The following MDN1 variants were observed in gnomAD, a reference collection of about 807,000 sequenced individuals.
The protein encoded by MDN1 is midasin AAA ATPase 1.
Under a neutral mutation model 669.2 loss-of-function variants are expected in MDN1, and 266 were observed. The ratio of observed to expected loss-of-function variants is 0.40; its 90% CI spans 0.36 to 0.44. MDN1 has a LOEUF of 0.44. Among genes scored for constraint, MDN1 ranks in the 20% least tolerant of loss-of-function variants. The probability of loss-of-function intolerance (pLI) is 1.00; values close to 1 mark genes in which losing one functional copy is unlikely to be tolerated. For missense variants in MDN1, 5,940 were observed against 6,754.0 expected (o/e 0.88, Z 4.22); for synonymous variants, 2,385 against 2,457.1 (o/e 0.97, Z 0.87).
intron 13 of MDN1, among the ~76,000 whole-genome samples, chr6:89,773,907 GTGGACCAAGATCGCACCACT>G (rs1818229357): frequency 6.6e-6 from 1 of 151,896 alleles, no homozygotes; most frequent in African/African-American, 2.4e-5. Context: ...GGAGGTTTCT[GTGGACCAAGATCGCACCACT>G]GTACTCCAGC....
chr6:89,788,052 C>G, intron 7 of MDN1, 95 bp from the exon 8 acceptor site: 1 of 1,084,384 alleles, frequency 9.2e-7, no homozygotes, highest in Non-Finnish European at 1.3e-6. Context: ...GACAGACACA[C>G]CCTTAAAGGA....
chr6:89,787,311 A>C (rs967130845), intron 8 of MDN1, among the ~76,000 whole-genome samples: 1 of 152,246 alleles, frequency 6.6e-6, no homozygotes, highest in Admixed American at 6.5e-5. Flanking sequence ...AAATGTAGGC[A>C]GGAATATATA....
In MDN1 at chr6:89,729,065, G is replaced by A. The variant is rs773875358; in HGVS notation, c.5215C>T (p.Leu1739Phe). The change falls in exon 36 of 102, where the codon CTC becomes TTC. Residue 1739 changes from leucine (L) to phenylalanine (F), a missense_variant. By Grantham distance (22) the Leu-to-Phe change is conservative. Coordinates refer to ENST00000369393, the MANE Select transcript of MDN1 (RefSeq NM_014611.3). ...AGTTAMNAQRLLRATKLKKPI... is the reference protein window; with the variant it reads ...AGTTAMNAQRFLRATKLKKPI... ...TTCTTCAGTTTGGTAGCTCTTAAGAGCCTCTGTGCATTCATAGCAGTGGTC... is the reference window on the plus strand; with the variant it reads ...TTCTTCAGTTTGGTAGCTCTTAAGAACCTCTGTGCATTCATAGCAGTGGTC... The A allele has an allele frequency of 1.2e-6, 2 of 1,613,972 alleles. No individual in the cohort carries two copies. Among genetic ancestry groups the A allele is most frequent in the South Asian group, 2.2e-5 (2 of 91,082 alleles).
intron 33 of MDN1, among the ~76,000 whole-genome samples, chr6:89,736,979 G>C (rs962756759): frequency 3.3e-5 from 5 of 152,178 alleles, no homozygotes; most frequent in African/African-American, 1.2e-4. Context: ...TGCCCCTGCT[G>C]AATAAGAAAC....
chr6:89,689,857 T>A lies in MDN1; in HGVS notation c.11023+13A>T, dbSNP rs1812260516. ...TCATTTCCCAGGGGCATAACAAAAG[T>A]AAACTACCATACCCATCAGGGGGTA... On this transcript the variant is annotated intron_variant, in intron 65 of 101. Transcript: ENST00000369393. 1 of 1,608,872 alleles carries A rather than the reference T, an allele frequency of 6.2e-7. No individual in the cohort carries two copies. The highest frequency in any genetic ancestry group is 2.2e-5 in the East Asian group (1 of 44,732).
intron 9 of MDN1, among the ~76,000 whole-genome samples, chr6:89,784,222 C>T (rs1252716963): frequency 6.6e-6 from 1 of 151,828 alleles, no homozygotes; most frequent in Non-Finnish European, 1.5e-5. Context: ...GAGGCTAAGG[C>T]ATGAGAATTG....
intron 1 of MDN1, among the ~76,000 whole-genome samples, chr6:89,815,645 T>C (rs1768776816): frequency 6.6e-6 from 1 of 152,188 alleles, no homozygotes; most frequent in Admixed American, 6.5e-5. Flanking sequence ...TTGTTCCTTC[T>C]ACTCCCCAAG....
At position 89,720,378 on chromosome 6, in the gene MDN1, C is replaced by T. The variant is rs1427802960; in HGVS notation, c.5968-1153G>A. ...TCACGCCACTGTACTCCAGCCTGGG[C>T]GACAGAGCAAGACTCCATCTCAAAA... On this transcript the variant is annotated intron_variant, in intron 40 of 101. Coordinates refer to ENST00000369393, the MANE Select transcript of MDN1 (RefSeq NM_014611.3). 4.1e-5 allele frequency among the ~76,000 whole-genome samples: 6 copies of T among 147,812 alleles called. No homozygotes were observed. In the South Asian group the frequency reaches 8.5e-4, roughly 21 times the overall value.
rs1464254295 is a variant in MDN1, at chr6:89,700,121, C to T, written c.8812G>A (p.Ala2938Thr). Residue 2938 changes from alanine (A) to threonine (T), a missense_variant, in exon 57 of 102, where the codon GCT becomes ACT. Around this residue, in one of 5 missense-constraint regions of MDN1, gnomAD observed 2,292 missense variants for 2,638.3 expected, o/e 0.87. Coordinates refer to ENST00000369393, the MANE Select transcript of MDN1 (RefSeq NM_014611.3). ...GTCACTTTGTACCGCCAAAGCATAG[C>T]CAGGTACTCCATTGCAGGCCACAAC... is the stretch of plus-strand genomic sequence containing the variant. ...VQLWPAMEYL[A>T]MLWRYKVTAD... 6.2e-7 allele frequency: 1 copy of T among 1,614,004 alleles called. No homozygotes were observed. The highest frequency in any genetic ancestry group is 1.3e-5 in the African/African-American group (1 of 74,894).
At chr6:89,774,526 C>T (rs1192144884) in intron 13 of MDN1, 95 bp downstream of exon 13, 1 of 863,126 alleles carries the variant, frequency 1.2e-6, no homozygotes, top group Non-Finnish European at 2.0e-6. Flanking sequence ...ACAGTTCAGA[C>T]ATGTGTTTTG....
Position 89,730,917 on chromosome 6 carries a change from G to T in MDN1, c.4949C>A (p.Thr1650Asn), listed in dbSNP as rs781693922. ...VYIDGIGSGV[T>N]SSGFGTALLA... Reference sequence around the variant, plus strand: ...AAGGGCTGTACCAAACCCAGAGGAAGTTACCCCTAAAAGACAGAGGATCAG... The same window carrying T: ...AAGGGCTGTACCAAACCCAGAGGAATTTACCCCTAAAAGACAGAGGATCAG... Residue 1650 changes from threonine (T) to asparagine (N), a missense_variant, in exon 35 of 102, where the codon ACT (threonine) becomes AAT (asparagine). Physicochemically the swap from Thr to Asn is moderately conservative, Grantham distance 65. Around this residue, in one of 5 missense-constraint regions of MDN1, gnomAD observed 2,292 missense variants for 2,638.3 expected, o/e 0.87. Transcript: ENST00000369393. 2.6e-5 allele frequency: 42 copies of T among 1,613,666 alleles called. No homozygotes were observed. Among genetic ancestry groups the T allele is most frequent in the Non-Finnish European group, 3.3e-5 (39 of 1,179,852 alleles).
At position 89,644,154 on chromosome 6, in the gene MDN1, G is replaced by T. The variant is rs768471661; in HGVS notation, c.16642C>A (p.Pro5548Thr). 5.0e-6 allele frequency: 8 copies of T among 1,613,466 alleles called. No homozygotes were observed. In the Admixed American group the frequency reaches 1.3e-4, roughly 27 times the overall value. ...GATCGGATTTCAGGCATCTCTCCAGGTCCTTTAAATATCGGTACTTTAATG... is the reference window on the plus strand; with the variant it reads ...GATCGGATTTCAGGCATCTCTCCAGTTCCTTTAAATATCGGTACTTTAATG... The part of the protein sequence containing the change: ...LDIKVPIFKG[P>T]GEMPEIRSYM... Residue 5548 changes from proline (P) to threonine (T), a missense_variant, in exon 102 of 102, where the codon CCT becomes ACT. Physicochemically the swap from Pro to Thr is conservative, Grantham distance 38. This residue lies in a region of MDN1 where 2,280 missense variants were observed against 2,576.3 expected (regional missense o/e 0.88). Coordinates refer to ENST00000369393, the MANE Select transcript of MDN1 (RefSeq NM_014611.3).
At chr6:89,764,432 CTG>C (rs1817701794) in intron 15 of MDN1, among the ~76,000 whole-genome samples, 1 of 152,184 alleles carries the variant, frequency 6.6e-6, no homozygotes, top group Non-Finnish European at 1.5e-5. Flanking sequence ...TGGTGAAACC[CTG>C]TCTCTACAAA....
chr6:89,734,971 A>G (rs766254379), intron 33 of MDN1, among the ~76,000 whole-genome samples: 1 of 150,870 alleles, frequency 6.6e-6, no homozygotes, highest in African/African-American at 2.4e-5. Flanking sequence ...GCTCACGGCA[A>G]CCTCCACCTC....
rs192937580 is a variant in MDN1 at position 89,796,763 on chromosome 6, T to C, written c.330-1962A>G. The stretch of plus-strand genomic sequence containing the variant: ...ATAATTAGCATGCATTAGATGTTTG[T>C]TTTTAATTTTATAAAAATTTCTGGG... On this transcript the variant is annotated intron_variant, in intron 2 of 101. Transcript: ENST00000369393. Among the ~76,000 whole-genome samples the C allele has an allele frequency of 4.4e-4, 67 of 151,304 alleles. 1 individual carries two copies. The highest frequency in any genetic ancestry group is 9.2e-4 in the Admixed American group (14 of 15,260).
intron 85 of MDN1, among the ~76,000 whole-genome samples, chr6:89,663,952 A>C (rs1809998310): frequency 6.6e-6 from 1 of 151,614 alleles, no homozygotes; most frequent in African/African-American, 2.4e-5. Context: ...AAAAAAAAAA[A>C]AAAAGAAAGA....
chr6:89,725,462 G>A (rs1562145817), intron 37 of MDN1, 66 bp from the exon 38 acceptor site: 1 of 1,299,124 alleles, frequency 7.7e-7, no homozygotes, highest in East Asian at 2.4e-5. Flanking sequence ...AAAAGCAGGG[G>A]AATAATATGC....
intron 2 of MDN1, among the ~76,000 whole-genome samples, chr6:89,800,097 T>A (rs976834801): frequency 6.6e-6 from 1 of 151,996 alleles, no homozygotes; most frequent in South Asian, 2.1e-4. Flanking sequence ...TAATAAATCA[T>A]GTCTTCCTAA....
chr6:89,647,067 G>T (rs932813519), intron 99 of MDN1, among the ~76,000 whole-genome samples: 10 of 152,180 alleles, frequency 6.6e-5, no homozygotes, highest in African/African-American at 2.2e-4. Flanking sequence ...GATTACAAGT[G>T]TGAGCCACCA....
Sources: allele counts gnomAD v4.1 joint callset (sites outside exome capture counted in the v4.1 genomes callset), GRCh38; gene constraint gnomAD v4.1.1; regional missense constraint gnomAD v4.1.1; transcripts MANE v1.5; gene names NCBI Gene and HGNC (gene_info 2026-07-23, HGNC 2026-07-21).